RAMP1: variants seen among roughly 807,000 people sequenced by gnomAD.
The protein encoded by RAMP1 is receptor activity-modifying protein 1.
RAMP1 carries 7 observed loss-of-function variants against 8.2 expected under a neutral mutation model. The ratio of observed to expected loss-of-function variants is 0.85; its 90% CI spans 0.49 to 1.60. The LOEUF (loss-of-function observed/expected upper bound fraction) is 1.60. RAMP1 is among the 40% of genes most tolerant of loss of function. The pLI is 0.00. For missense variants in RAMP1, 192 were observed against 202.4 expected, an observed-to-expected ratio of 0.95 and a Z score of 0.31; for synonymous variants, 92 against 84.7, an observed-to-expected ratio of 1.09 and a Z score of -0.47.
chr2:237,885,284 G>A (rs951854729), intron 2 of RAMP1, among the ~76,000 whole-genome samples: 2 of 152,172 alleles, frequency 1.3e-5, no homozygotes, highest in African/African-American at 2.4e-5. Flanking sequence ...TGCTGAGCTC[G>A]ACCCCCACGA....
chr2:237,900,019 T>C (rs1226073349), intron 2 of RAMP1, among the ~76,000 whole-genome samples: 1 of 152,206 alleles, frequency 6.6e-6, no homozygotes, highest in Admixed American at 6.6e-5. Flanking sequence ...GAATTCCTCC[T>C]TTTTAAGTCG....
intron 2 of RAMP1, among the ~76,000 whole-genome samples, chr2:237,892,657 T>C (rs1326389606): frequency 6.6e-6 from 1 of 152,178 alleles, no homozygotes; most frequent in Non-Finnish European, 1.5e-5. Flanking sequence ...ATCTTGTACT[T>C]ATTATCTTAC....
At chr2:237,863,724 C>T (rs981008390) in intron 1 of RAMP1, among the ~76,000 whole-genome samples, 6 of 151,688 alleles carry the variant, frequency 4.0e-5, no homozygotes, top group African/African-American at 1.5e-4. Flanking sequence ...GGCAGGAGTG[C>T]AGGGCTATGG....
At chr2:237,882,016 T>A (rs1326285898) in intron 2 of RAMP1, among the ~76,000 whole-genome samples, 1 of 152,216 alleles carries the variant, frequency 6.6e-6, no homozygotes, top group African/African-American at 2.4e-5. Flanking sequence ...GTGGTCCCAC[T>A]GGTTCCATCG....
rs546170354 is a variant in RAMP1 at position 237,906,443 on chromosome 2, A to G, written c.192-5085A>G. ...GTGCTGGGATGCCGGAGAGGCCCCT[A>G]CTTTTTCTGTATAGCCTCTTAAAGC... On this transcript the variant is annotated intron_variant, in intron 2 of 2. Coordinates refer to ENST00000254661, the MANE Select transcript of RAMP1 (RefSeq NM_005855.4). Among the ~76,000 whole-genome samples, 7 of 152,200 alleles carry G rather than the reference A, an allele frequency of 4.6e-5. No homozygotes were observed. In the South Asian group the frequency reaches 1.0e-3, roughly 23 times the overall value.
chr2:237,901,844 A>G (rs1382759914), intron 2 of RAMP1, among the ~76,000 whole-genome samples: 2 of 91,172 alleles, frequency 2.2e-5, no homozygotes, highest in African/African-American at 8.1e-5. Context: ...GGGTAGATAG[A>G]TGCCAAGCCC....
chr2:237,910,810 CA>C (rs745652718), intron 2 of RAMP1, among the ~76,000 whole-genome samples: 17 of 151,664 alleles, frequency 1.1e-4, no homozygotes, highest in Non-Finnish European at 2.5e-4. Flanking sequence ...CACACAGTCA[CA>C]AAGAGAATAA....
chr2:237,877,324 C>T lies in RAMP1; in HGVS notation c.153C>T (p.Val51=), dbSNP rs377248643. 32 of 1,613,890 alleles carry T rather than the reference C, an allele frequency of 2.0e-5. No homozygotes were observed. Among genetic ancestry groups the T allele is most frequent in the Non-Finnish European group, 2.5e-5 (30 of 1,179,958 alleles). Residue 51 remains valine (V), a synonymous_variant, in exon 2 of 3, where the codon GTC becomes GTT. Transcript: ENST00000254661. The surrounding 1 kb of genome is among the most constrained non-coding windows in gnomAD (Gnocchi z 4.4). ...AGTTCCAGGTAGACATGGAGGCCGTCGGGGAGACGCTGTGGTGTGACTGGG... is the reference window on the plus strand; with the variant it reads ...AGTTCCAGGTAGACATGGAGGCCGTTGGGGAGACGCTGTGGTGTGACTGGG... ...LTQFQVDMEA[V]GETLWCDWGR...
chr2:237,869,262 T>A (rs191158025), intron 1 of RAMP1, among the ~76,000 whole-genome samples: 4 of 152,380 alleles, frequency 2.6e-5, no homozygotes, highest in Admixed American at 2.6e-4. Flanking sequence ...CATTGCTTTT[T>A]TAATTTTAAT....
intron 2 of RAMP1, among the ~76,000 whole-genome samples, chr2:237,881,900 G>T (rs2062372865): frequency 6.7e-6 from 1 of 149,968 alleles, no homozygotes; most frequent in South Asian, 2.1e-4. Context: ...TTTTTAATGT[G>T]GTCAAAACCA....
rs1044457433 is a variant in RAMP1 at position 237,862,001 on chromosome 2, G to A, written c.52+2274G>A. Reference sequence around the variant, plus strand: ...TTCGTTAACCAGGAAAGAAGGATGCGTTAGAAGCCCCTGGTTTTTCGAGTC... The same window carrying A: ...TTCGTTAACCAGGAAAGAAGGATGCATTAGAAGCCCCTGGTTTTTCGAGTC... On this transcript the variant is annotated intron_variant, in intron 1 of 2. Transcript: ENST00000254661. The surrounding 1 kb of genome is among the most constrained non-coding windows in gnomAD (Gnocchi z 4.0). Among the ~76,000 whole-genome samples the A allele has an allele frequency of 2.0e-5, 3 of 152,134 alleles. No homozygotes were observed. Among genetic ancestry groups the A allele is most frequent in the South Asian group, 2.1e-4 (1 of 4,818 alleles).
intron 2 of RAMP1, among the ~76,000 whole-genome samples, chr2:237,889,879 G>T (rs904413980): frequency 6.6e-6 from 1 of 152,204 alleles, no homozygotes; most frequent in Non-Finnish European, 1.5e-5. Context: ...TCCTGCCTGA[G>T]CCTCCCAAAG....
chr2:237,859,734 A>T lies in RAMP1; in HGVS notation c.52+7A>T. ...GGCCTCTGGCTGCTCCTGGGTGAGT[A>T]GGTCCAGGGGTCCCGGCCGAGCTCC... On this transcript the variant is annotated splice_region_variant and intron_variant, in intron 1 of 2. Coordinates refer to ENST00000254661, the MANE Select transcript of RAMP1 (RefSeq NM_005855.4). The T allele has an allele frequency of 6.6e-7, 1 of 1,506,888 alleles. No individual in the cohort carries two copies. Among genetic ancestry groups the T allele is most frequent in the East Asian group, 2.8e-5 (1 of 35,900 alleles). 93.3% of individuals were successfully genotyped at this position (1,506,888 alleles called of 1,614,324 possible).
intron 2 of RAMP1, among the ~76,000 whole-genome samples, chr2:237,908,324 A>G (rs1051580132): frequency 1.3e-5 from 2 of 151,604 alleles, no homozygotes; most frequent in African/African-American, 4.8e-5. Flanking sequence ...CCTTCACCCC[A>G]GCATTCCTAC....
intron 2 of RAMP1, among the ~76,000 whole-genome samples, chr2:237,890,399 A>C (rs1045550088): frequency 6.6e-6 from 1 of 151,870 alleles, no homozygotes; most frequent in Admixed American, 6.6e-5. Context: ...ATGGGGTTTC[A>C]CTGTGTTTCC....
At chr2:237,882,274 A>G (rs746978022) in intron 2 of RAMP1, among the ~76,000 whole-genome samples, 6 of 152,108 alleles carry the variant, frequency 3.9e-5, no homozygotes, top group African/African-American at 1.2e-4. Context: ...ATATTGATCT[A>G]TTCTCCAGAA....
At chr2:237,903,197 T>G (rs1400822774) in intron 2 of RAMP1, among the ~76,000 whole-genome samples, 1 of 152,172 alleles carries the variant, frequency 6.6e-6, no homozygotes, top group Non-Finnish European at 1.5e-5. Context: ...ATCTTAAAAT[T>G]TTCTTCCTAA....
intron 2 of RAMP1, among the ~76,000 whole-genome samples, chr2:237,896,340 A>C (rs976787336): frequency 3.3e-5 from 5 of 152,194 alleles, no homozygotes; most frequent in Non-Finnish European, 7.4e-5. Context: ...CTGCACATGG[A>C]GCCAGGGATG....
Position 237,877,915 on chromosome 2 carries a change from G to C in RAMP1, c.191+553G>C. 5 of 979,870 alleles carry C rather than the reference G, an allele frequency of 5.1e-6. No homozygotes were observed. The highest frequency in any genetic ancestry group is 6.1e-6 in the Non-Finnish European group (5 of 824,868). The allele number at this position is 979,870 out of a possible 1,614,324, so 60.7% of individuals were successfully genotyped here. On this transcript the variant is annotated intron_variant, in intron 2 of 2. Coordinates refer to ENST00000254661, the MANE Select transcript of RAMP1 (RefSeq NM_005855.4). The surrounding 1 kb of genome is among the most constrained non-coding windows in gnomAD (Gnocchi z 4.4). ...TGCCCAAGGGCCCTTCTTCCCGCTTGAGGGGCTCCCTCATTGCCTCCCTCA... is the reference window on the plus strand; with the variant it reads ...TGCCCAAGGGCCCTTCTTCCCGCTTCAGGGGCTCCCTCATTGCCTCCCTCA...
Sources: allele counts gnomAD v4.1 joint callset (sites outside exome capture counted in the v4.1 genomes callset), GRCh38; gene constraint gnomAD v4.1.1; non-coding constraint Gnocchi (gnomAD v3.1); transcripts MANE v1.5; gene names NCBI Gene and HGNC (gene_info 2026-07-23, HGNC 2026-07-21).